DENND2B: variants seen among roughly 807,000 people sequenced by gnomAD.
The protein encoded by DENND2B is DENN domain containing 2B.
Under a neutral mutation model 116.0 loss-of-function variants are expected in DENND2B, and 32 were observed. That is an observed-to-expected ratio of 0.28 (90% CI 0.21 to 0.37). The LOEUF is 0.37. DENND2B is among the 10% of genes least tolerant of loss of function. The pLI is 1.00. For missense variants in DENND2B, 1,276 were observed against 1,477.7 expected, an observed-to-expected ratio of 0.86 and a Z score of 2.24; for synonymous variants, 588 against 583.9, an observed-to-expected ratio of 1.01 and a Z score of -0.10.
intron 1 of DENND2B, among the ~76,000 whole-genome samples, chr11:8,882,065 A>G (rs974130056): frequency 1.3e-5 from 2 of 151,802 alleles, no homozygotes. Flanking sequence ...GCATGGTTTC[A>G]ATTCAATTTA....
intron 2 of DENND2B, among the ~76,000 whole-genome samples, chr11:8,745,890 C>G (rs2051154358): frequency 6.6e-6 from 1 of 152,212 alleles, no homozygotes; most frequent in Non-Finnish European, 1.5e-5. Flanking sequence ...ATTGAGTCAC[C>G]CATAACTTTC....
At chr11:8,891,842 A>G (rs1173367510) in intron 1 of DENND2B, among the ~76,000 whole-genome samples, 2 of 152,212 alleles carry the variant, frequency 1.3e-5, no homozygotes, top group Non-Finnish European at 2.9e-5. Flanking sequence ...CGGGACAGAA[A>G]GTTAACAAGG....
chr11:8,703,921 C>A (rs1181095552), intron 13 of DENND2B, among the ~76,000 whole-genome samples: 1 of 152,184 alleles, frequency 6.6e-6, no homozygotes, highest in Non-Finnish European at 1.5e-5. Context: ...AGAAGTAGCA[C>A]AATGATGCCA....
intron 13 of DENND2B, among the ~76,000 whole-genome samples, chr11:8,704,711 T>C (rs2042297217): frequency 6.6e-6 from 1 of 152,196 alleles, no homozygotes; most frequent in Non-Finnish European, 1.5e-5. Context: ...CATATGTATT[T>C]TTTTGAGATG....
At position 8,850,762 on chromosome 11, in the gene DENND2B, T is replaced by C. The variant is rs183814935; in HGVS notation, c.-156+6581A>G. Among the ~76,000 whole-genome samples the C allele has an allele frequency of 2.1e-3, 319 of 152,362 alleles. 1 individual carries two copies. Among genetic ancestry groups the C allele is most frequent in the Admixed American group, 4.7e-3 (72 of 15,306 alleles). ...AGCATTATTCATAATAGCCAAGATA[T>C]GGAGTCAACCTGAGTGTCTATCAAC... On this transcript the variant is annotated intron_variant, in intron 3 of 6. Coordinates refer to the DENND2B transcript ENST00000524757.
intron 1 of DENND2B, among the ~76,000 whole-genome samples, chr11:8,759,929 T>A (rs1156642804): frequency 6.6e-6 from 1 of 152,196 alleles, no homozygotes; most frequent in Non-Finnish European, 1.5e-5. Flanking sequence ...TAAATCAGGA[T>A]GATCCTTCTC....
At position 8,696,448 on chromosome 11, in the gene DENND2B, G is replaced by T. The variant is rs2040374578; in HGVS notation, c.3271C>A (p.Leu1091Ile). 1.2e-6 allele frequency: 2 copies of T among 1,614,058 alleles called. No homozygotes were observed. The highest frequency in any genetic ancestry group is 1.3e-5 in the African/African-American group (1 of 74,910). The part of the protein sequence containing the change: ...MFAGFIQDRE[L>I]RKCRAKGLFE... Reference sequence around the variant, plus strand: ...TTACCCTTTGCCCGACACTTTCTTAGCTCCCTGTCTTGGATGAAGCCAGCA... The same window carrying T: ...TTACCCTTTGCCCGACACTTTCTTATCTCCCTGTCTTGGATGAAGCCAGCA... The change falls in exon 18 of 20, where the codon CTA becomes ATA. Residue 1091 changes from leucine (L) to isoleucine (I), a missense_variant. Physicochemically the swap from Leu to Ile is conservative, Grantham distance 5 (BLOSUM62 2). Coordinates refer to ENST00000313726, the MANE Select transcript of DENND2B (RefSeq NM_213618.2).
intron 4 of DENND2B, chr11:8,719,171 G>C (rs539717184): frequency 1.1e-5 from 11 of 985,442 alleles, no homozygotes; most frequent in Middle Eastern, 5.2e-4. Context: ...AGGAACAAAG[G>C]CTGCTGAGAG....
chr11:8,898,482 T>A (rs1349544738), intron 1 of DENND2B, among the ~76,000 whole-genome samples: 1 of 152,194 alleles, frequency 6.6e-6, no homozygotes, highest in Admixed American at 6.6e-5. Context: ...TCAACCCCGT[T>A]AACTCACTAA....
intron 1 of DENND2B, among the ~76,000 whole-genome samples, chr11:8,898,362 T>A (rs1406652947): frequency 6.6e-6 from 1 of 151,026 alleles, no homozygotes; most frequent in Admixed American, 6.6e-5. Flanking sequence ...CCCCATCTCA[T>A]AAAAAATAAA....
At chr11:8,741,821 C>G (rs1043151641) in intron 2 of DENND2B, among the ~76,000 whole-genome samples, 1 of 152,168 alleles carries the variant, frequency 6.6e-6, no homozygotes, top group Admixed American at 6.5e-5. Context: ...ATCCCCCAGA[C>G]GTGGGGTTAA....
rs756059086 is a variant in DENND2B, at chr11:8,729,979, G to A, written c.1311C>T (p.Asp437=). 2.5e-6 allele frequency: 4 copies of A among 1,614,164 alleles called. No individual in the cohort carries two copies. Among genetic ancestry groups the A allele is most frequent in the Admixed American group, 1.7e-5 (1 of 60,022 alleles). The change falls in exon 3 of 20, where the codon GAC becomes GAT. Residue 437 remains aspartate (D), a synonymous_variant. Coordinates refer to ENST00000313726, the MANE Select transcript of DENND2B (RefSeq NM_213618.2). ...APPVTRRPKK[D]MRGHRKSQSR... ...TCTGGGACTTGCGGTGACCACGCAT[G>A]TCCTTCTTGGGTCTCCGGGTGACTG...
intron 1 of DENND2B, among the ~76,000 whole-genome samples, chr11:8,754,131 GAA>G (rs201673930): frequency 0.01 from 1,523 of 151,762 alleles, 8 homozygotes; most frequent in Non-Finnish European, 0.015. Flanking sequence ...TCAAGAAAGT[GAA>G]AAGACAGCCT....
chr11:8,737,028 A>T (rs757840936), intron 2 of DENND2B, among the ~76,000 whole-genome samples: 3 of 152,214 alleles, frequency 2.0e-5, no homozygotes, highest in African/African-American at 4.8e-5. Context: ...GTACTGGTAG[A>T]GACGGATCTA....
At chr11:8,892,264 C>A (rs773548105) in intron 1 of DENND2B, among the ~76,000 whole-genome samples, 1 of 152,130 alleles carries the variant, frequency 6.6e-6, no homozygotes, top group African/African-American at 2.4e-5. Context: ...AAACTTATAG[C>A]ACTAAATGCC....
At chr11:8,778,807 G>C (rs1014725059) in intron 1 of DENND2B, among the ~76,000 whole-genome samples, 1 of 152,196 alleles carries the variant, frequency 6.6e-6, no homozygotes, top group Admixed American at 6.5e-5. Context: ...GATTACTGTC[G>C]AAAGGCAGAG....
At chr11:8,771,407 C>T (rs531663469) in intron 1 of DENND2B, among the ~76,000 whole-genome samples, 3 of 150,974 alleles carry the variant, frequency 2.0e-5, no homozygotes, top group Non-Finnish European at 4.4e-5. Context: ...TGTGTGTGTG[C>T]GTGTGTGCAC....
chr11:8,831,259 A>T (rs2062194068), intron 4 of DENND2B, among the ~76,000 whole-genome samples: 1 of 152,114 alleles, frequency 6.6e-6, no homozygotes, highest in African/African-American at 2.4e-5. Context: ...AATGGGGAGG[A>T]TTGTCAGGAG....
intron 1 of DENND2B, among the ~76,000 whole-genome samples, chr11:8,783,368 C>T (rs1161127199): frequency 6.6e-6 from 1 of 152,146 alleles, no homozygotes; most frequent in Non-Finnish European, 1.5e-5. Context: ...AACTAAATAA[C>T]AATTCATCCA....
Sources: gnomAD v4.1 joint callset for allele counts (sites outside exome capture counted in the v4.1 genomes callset) on GRCh38, gnomAD v4.1.1 for gene constraint, MANE v1.5 for transcripts, NCBI Gene and HGNC (gene_info 2026-07-23, HGNC 2026-07-21) for gene names.